Variants in SPATA21 observed in about 807,000 individuals in gnomAD.
SPATA21 encodes the protein spermatogenesis-associated protein 21.
SPATA21 carries 47 observed loss-of-function variants against 54.8 expected under a neutral mutation model. The observed-to-expected ratio is 0.86, with a 90% CI of 0.68 to 1.09. SPATA21 has a LOEUF of 1.09. SPATA21 is among the 50% of genes least tolerant of loss of function. SPATA21 has a pLI of 0.00. For missense variants in SPATA21, 599 were observed against 596.4 expected, an observed-to-expected ratio of 1.00 and a Z score of -0.05; for synonymous variants, 245 against 235.3, an observed-to-expected ratio of 1.04 and a Z score of -0.38.
downstream of SPATA21, chr1:16,396,996 C>T (rs972106036): frequency 6.6e-6 from 1 of 152,278 alleles, no homozygotes; most frequent in African/African-American, 2.4e-5. Context: ...ACCAAGTGTC[C>T]ACATTCTAAA....
At chr1:16,430,697 T>C (rs1433331945) in intron 3 of SPATA21, among the ~76,000 whole-genome samples, 1 of 152,190 alleles carries the variant, frequency 6.6e-6, no homozygotes, top group East Asian at 1.9e-4. Context: ...TTTGGGAAGC[T>C]TCTCTTCTCC....
At chr1:16,418,638 G>A (rs1394341527) in intron 5 of SPATA21, among the ~76,000 whole-genome samples, 1 of 150,760 alleles carries the variant, frequency 6.6e-6, no homozygotes, top group Non-Finnish European at 1.5e-5. Flanking sequence ...CGCTATCTTG[G>A]CTCACTGCAT....
chr1:16,410,039 A>G lies in SPATA21; in HGVS notation c.149T>C (p.Val50Ala). The change falls in exon 6 of 13, where the codon GTG becomes GCG. Residue 50 changes from valine to alanine, a missense_variant. By Grantham distance (64) the Val-to-Ala change is moderately conservative (BLOSUM62 0). Coordinates refer to ENST00000335496, the MANE Select transcript of SPATA21 (RefSeq NM_198546.1). ...PAPGPLPPPE[V>A]RDIGERREPD... ...CTCCCGCCTCTCTCCAATGTCCCTC[A>G]CCTCCTGGGGACAGGGGAGGGGATC... is the stretch of plus-strand genomic sequence containing the variant. 6.4e-7 allele frequency: 1 copy of G among 1,553,366 alleles called. No homozygotes were observed. Among genetic ancestry groups the G allele is most frequent in the South Asian group, 1.3e-5 (1 of 79,700 alleles).
rs147682337 is a variant in SPATA21 at position 16,399,436 on chromosome 1, C to A, written c.1260G>T (p.Pro420=). The change falls in exon 12 of 13, where the codon CCG becomes CCT. Residue 420 remains proline, a synonymous_variant. Coordinates refer to ENST00000335496, the MANE Select transcript of SPATA21 (RefSeq NM_198546.1). ...QLDKKMVRRQ[P]SNHYALDQCT... is the part of the protein sequence containing the mutation. ...ACTGGTCTAGTGCATAGTGGTTGCT[C>A]GGCTGCCTACGGACCATCTTCTTGT... 67 of 1,613,992 alleles carry A rather than the reference C, an allele frequency of 4.2e-5. No individual in the cohort carries two copies. Among genetic ancestry groups the A allele is most frequent in the Non-Finnish European group, 5.3e-5 (62 of 1,180,034 alleles).
intron 3 of SPATA21, chr1:16,425,593 C>T: frequency 6.5e-7 from 1 of 1,550,216 alleles, no homozygotes; most frequent in Non-Finnish European, 8.7e-7. Context: ...GGCCCTTGAT[C>T]TCCTTTCCGG....
chr1:16,425,792 T>C, intron 3 of SPATA21: 1 of 1,451,078 alleles, frequency 6.9e-7, no homozygotes, highest in Non-Finnish European at 9.3e-7. Context: ...TTTATATATT[T>C]TTACAGGGCT....
Position 16,399,389 on chromosome 1 carries a change from G to T in SPATA21, c.1307C>A (p.Pro436His), listed in dbSNP as rs539085792. Reference protein sequence around the residue: ...LDQCTPPGLDPDIRSPFFQSG... With the variant: ...LDQCTPPGLDHDIRSPFFQSG... ...CTGGAAGAAGGGGCTGCGGATGTCA[G>T]GATCCAGGCCAGGGGGTGTGCACTG... The change falls in exon 12 of 13, where the codon CCT becomes CAT. Residue 436 changes from proline to histidine, a missense_variant. Physicochemically the swap from Pro to His is moderately conservative, Grantham distance 77. Transcript: ENST00000335496. The T allele has an allele frequency of 8.9e-5, 143 of 1,614,000 alleles. No homozygotes were observed. The South Asian group carries it at 1.5e-3, about 17-fold the overall frequency.
chr1:16,414,235 T>A (rs1449587665), intron 5 of SPATA21, among the ~76,000 whole-genome samples: 2 of 151,778 alleles, frequency 1.3e-5, no homozygotes, highest in Non-Finnish European at 2.9e-5. Context: ...CCTGGCTAAT[T>A]TTTTTGTATT....
chr1:16,400,463 C>A, intron 11 of SPATA21: 2 of 1,228,678 alleles, frequency 1.6e-6, no homozygotes, highest in South Asian at 2.6e-5. Context: ...CTTTCTCAGT[C>A]CTGGCTCATG....
At chr1:16,422,024 TC>T (rs1330777088) in intron 3 of SPATA21, 53 bp from the exon 4 acceptor site, 2 of 1,613,594 alleles carry the variant, frequency 1.2e-6, no homozygotes, top group Non-Finnish European at 1.7e-6. Context: ...TGTCCCCATG[TC>T]CCCCTGGGCT....
intron 10 of SPATA21, 142 bp downstream of exon 10, chr1:16,403,585 T>A (rs1404920837): frequency 1.4e-6 from 1 of 716,936 alleles, no homozygotes; most frequent in African/African-American, 1.8e-5. Flanking sequence ...ACCTCCTGGG[T>A]TCAAGCGATT....
At chr1:16,405,778 C>G (rs541455345) in intron 7 of SPATA21, among the ~76,000 whole-genome samples, 2 of 152,324 alleles carry the variant, frequency 1.3e-5, no homozygotes, top group African/African-American at 4.8e-5. Flanking sequence ...CCATCCTCTG[C>G]TCTGGTCCAC....
chr1:16,399,904 G>T (rs902947300), intron 11 of SPATA21, among the ~76,000 whole-genome samples: 1 of 152,204 alleles, frequency 6.6e-6, no homozygotes, highest in African/African-American at 2.4e-5. Context: ...GTACCTGGGG[G>T]AAGGGAGGCA....
intron 3 of SPATA21, among the ~76,000 whole-genome samples, chr1:16,424,168 C>T: frequency 7.1e-6 from 1 of 141,632 alleles, no homozygotes; most frequent in Non-Finnish European, 1.5e-5. Flanking sequence ...TCTTACCAGG[C>T]TGGGTGCGGT....
intron 2 of SPATA21, 29 bp from the exon 3 acceptor site, chr1:16,431,451 A>G: frequency 6.3e-7 from 1 of 1,587,586 alleles, no homozygotes; most frequent in Non-Finnish European, 8.6e-7. Flanking sequence ...CAAGCGTCCC[A>G]CCAAGCCCAT....
Position 16,421,860 on chromosome 1 carries a change from C to T in SPATA21, c.95+51G>A, listed in dbSNP as rs772459958. On this transcript the variant is annotated intron_variant, in intron 4 of 12. Coordinates refer to ENST00000335496, the MANE Select transcript of SPATA21 (RefSeq NM_198546.1). The surrounding 1 kb of genome is among the most constrained non-coding windows in gnomAD (Gnocchi z 5.2). The stretch of plus-strand genomic sequence containing the variant: ...AGAATTCACCCCACCTGAAACTCAG[C>T]AGAAGAGCATCCTTGTTGGGGGCAG... 2 of 1,613,692 alleles carry T rather than the reference C, an allele frequency of 1.2e-6. No individual in the cohort carries two copies. Among genetic ancestry groups the T allele is most frequent in the African/African-American group, 1.3e-5 (1 of 75,052 alleles).
Position 16,425,645 on chromosome 1 carries a change from G to A in SPATA21, c.35-3674C>T, listed in dbSNP as rs771822964. ...CCCTTCAGGTACTTCAGGAACCCAG[G>A]AAGGCAGCAACCCCAGCTCACTCTG... On this transcript the variant is annotated intron_variant, in intron 3 of 12. Transcript: ENST00000335496. 2.6e-6 allele frequency: 4 copies of A among 1,550,180 alleles called. 1 individual carries two copies. The South Asian group carries it at 4.8e-5, about 18-fold the overall frequency.
intron 10 of SPATA21, 110 bp downstream of exon 10, chr1:16,403,617 T>C: frequency 5.1e-6 from 5 of 980,844 alleles, no homozygotes; most frequent in Non-Finnish European, 8.1e-6. Context: ...GCCTCCAGTT[T>C]CTTTCACTTG....
intron 5 of SPATA21, among the ~76,000 whole-genome samples, chr1:16,411,964 C>T (rs994590037): frequency 7.2e-5 from 11 of 152,072 alleles, no homozygotes; most frequent in Admixed American, 4.6e-4. Context: ...AAGCTGCTCT[C>T]GCCATGCCAC....
Sources: allele counts gnomAD v4.1 joint callset (sites outside exome capture counted in the v4.1 genomes callset), GRCh38; gene constraint gnomAD v4.1.1; non-coding constraint Gnocchi (gnomAD v3.1); transcripts MANE v1.5; gene names NCBI Gene and HGNC (gene_info 2026-07-23, HGNC 2026-07-21).